Variants in TCF4 observed in about 807,000 individuals in gnomAD.
TCF4 encodes the protein SL3-3 enhancer factor 2.
In TCF4, 3 loss-of-function variants were observed where a neutral mutation model predicts 82.1. The ratio of observed to expected loss-of-function variants is 0.04; its 90% CI spans 0.02 to 0.09. The LOEUF (loss-of-function observed/expected upper bound fraction) is 0.09. TCF4 is among the 10% of genes least tolerant of loss of function. The pLI is 1.00. For synonymous variants in TCF4, 276 were observed against 309.6 expected (o/e 0.89, Z 1.14); for missense variants, 518 against 852.7 (o/e 0.61, Z 4.89).
intron 6 of TCF4, among the ~76,000 whole-genome samples, chr18:55,368,635 A>T (rs1239502106): frequency 6.6e-6 from 1 of 152,232 alleles, no homozygotes; most frequent in Admixed American, 6.5e-5. Flanking sequence ...GCTTACAGGA[A>T]GTATGGAGAA....
intron 3 of TCF4, among the ~76,000 whole-genome samples, chr18:55,481,619 A>G (rs980092344): frequency 1.3e-5 from 2 of 152,234 alleles, no homozygotes; most frequent in African/African-American, 2.4e-5. Context: ...CTGTACTTTA[A>G]AAACATCTAA....
intron 5 of TCF4, among the ~76,000 whole-genome samples, chr18:55,448,410 T>C (rs1306233476): frequency 6.6e-6 from 1 of 152,254 alleles, no homozygotes; most frequent in Non-Finnish European, 1.5e-5. Flanking sequence ...TTACACATCC[T>C]GCTCTTTAAC....
chr18:55,589,964 G>A (rs951120875), upstream of TCF4: 13 of 407,200 alleles, frequency 3.2e-5, no homozygotes, highest in Non-Finnish European at 4.0e-5. Context: ...GGAGGCGGGT[G>A]GCTGTTCTCG....
rs1301613952 is a variant in TCF4 at position 55,633,194 on chromosome 18, A to C, written c.196-1806T>G. Among the ~76,000 whole-genome samples the C allele has an allele frequency of 6.6e-6, 1 of 152,186 alleles. No individual in the cohort carries two copies. The highest frequency in any genetic ancestry group is 1.5e-5 in the Non-Finnish European group (1 of 68,032). On this transcript the variant is annotated intron_variant, in intron 1 of 20. Transcript: ENST00000398339. The surrounding 1 kb of genome is among the most constrained non-coding windows in gnomAD (Gnocchi z 4.0). ...TACGGTCTGTTCTGAGGTTTGAGCC[A>C]AGATGTGGACTGGGCCTGCAAGTCA...
At chr18:55,255,464 C>G (rs1388066137) in intron 14 of TCF4, among the ~76,000 whole-genome samples, 1 of 152,104 alleles carries the variant, frequency 6.6e-6, no homozygotes, top group Non-Finnish European at 1.5e-5. Flanking sequence ...TAAAAACCAA[C>G]CAACCTTTGT....
chr18:55,232,733 T>C, intron 16 of TCF4, 62 bp from the exon 17 acceptor site: 1 of 1,586,270 alleles, frequency 6.3e-7, no homozygotes, highest in South Asian at 1.1e-5. Context: ...CACACCAGAT[T>C]GCAAGGCTGC....
At chr18:55,617,424 G>T (rs1043994869) in intron 2 of TCF4, among the ~76,000 whole-genome samples, 3 of 151,916 alleles carry the variant, frequency 2.0e-5, no homozygotes, top group Non-Finnish European at 2.9e-5. Context: ...GATCTTTTGT[G>T]GTTACATAAG....
intron 3 of TCF4, among the ~76,000 whole-genome samples, chr18:55,513,075 G>A (rs908351265): frequency 3.3e-5 from 5 of 152,100 alleles, no homozygotes; most frequent in Non-Finnish European, 7.4e-5. Context: ...ACCATCTTTT[G>A]GATTTCTGTC....
chr18:55,526,160 C>A (rs1427271299), intron 3 of TCF4, among the ~76,000 whole-genome samples: 1 of 152,252 alleles, frequency 6.6e-6, no homozygotes, highest in African/African-American at 2.4e-5. Flanking sequence ...TACAGAACCA[C>A]AAAGGGGAGA....
In TCF4 at chr18:55,362,820, A is replaced by C. The variant is rs1338724080; in HGVS notation, c.370-11817T>G. 2.0e-5 allele frequency among the ~76,000 whole-genome samples: 3 copies of C among 152,204 alleles called. No homozygotes were observed. The East Asian group carries it at 5.8e-4, about 29-fold the overall frequency. On this transcript the variant is annotated intron_variant, in intron 6 of 19. Transcript: ENST00000354452. ...ATGTTTTCTTATATTTCTCATTATA[A>C]ATATATTTAGATATTCAGCATACGA...
At chr18:55,615,644 TGTTA>T (rs1371283969) in intron 2 of TCF4, among the ~76,000 whole-genome samples, 3 of 152,176 alleles carry the variant, frequency 2.0e-5, no homozygotes, top group Non-Finnish European at 2.9e-5. Context: ...TTAAGTGTGA[TGTTA>T]GTTGTAGACT....
At chr18:55,622,293 G>A (rs947031480) in intron 2 of TCF4, among the ~76,000 whole-genome samples, 1 of 150,612 alleles carries the variant, frequency 6.6e-6, no homozygotes, top group African/African-American at 2.4e-5. Flanking sequence ...CAGATCACGA[G>A]GTCAGGAGAT....
At chr18:55,589,462 C>G, upstream of TCF4, 1 of 1,055,842 alleles carries the variant, frequency 9.5e-7, no homozygotes, top group Non-Finnish European at 1.1e-6. Flanking sequence ...CAAGATTATG[C>G]ACCTGGCTCT....
At chr18:55,311,470 C>T (rs1427697006) in intron 8 of TCF4, among the ~76,000 whole-genome samples, 1 of 152,182 alleles carries the variant, frequency 6.6e-6, no homozygotes, top group Non-Finnish European at 1.5e-5. Context: ...GCCGTATGTC[C>T]CCTGGGGAAC....
intron 8 of TCF4, among the ~76,000 whole-genome samples, chr18:55,310,422 G>A (rs2071963598): frequency 6.6e-6 from 1 of 152,172 alleles, no homozygotes; most frequent in African/African-American, 2.4e-5. Flanking sequence ...TTACTGTGAG[G>A]CTTGGCAACT....
intron 6 of TCF4, among the ~76,000 whole-genome samples, chr18:55,393,672 T>G (rs926213667): frequency 6.6e-6 from 1 of 152,216 alleles, no homozygotes; most frequent in African/African-American, 2.4e-5. Context: ...TTCATGCAAT[T>G]TGCATAATTT....
At chr18:55,410,011 T>C (rs946320746) in intron 5 of TCF4, among the ~76,000 whole-genome samples, 10 of 152,230 alleles carry the variant, frequency 6.6e-5, no homozygotes, top group African/African-American at 2.4e-4. Context: ...AAATGTAAAA[T>C]AAATTTGTGC....
chr18:55,395,573 T>C (rs936213930), intron 6 of TCF4, among the ~76,000 whole-genome samples: 4 of 152,340 alleles, frequency 2.6e-5, no homozygotes, highest in Admixed American at 2.0e-4. Context: ...TGTTGTTTCA[T>C]ATATTTTACT....
intron 2 of TCF4, among the ~76,000 whole-genome samples, chr18:55,616,123 A>G (rs2097711593): frequency 6.6e-6 from 1 of 152,110 alleles, no homozygotes; most frequent in Admixed American, 6.5e-5. Flanking sequence ...ATTGAGCATC[A>G]GTTCCCCATT....
Sources: gnomAD v4.1 joint callset for allele counts (sites outside exome capture counted in the v4.1 genomes callset) on GRCh38, gnomAD v4.1.1 for gene constraint, Gnocchi (gnomAD v3.1) non-coding constraint, MANE v1.5 for transcripts, NCBI Gene and HGNC (gene_info 2026-07-23, HGNC 2026-07-21) for gene names.